The following F13A1 variants were observed in gnomAD, a reference collection of about 807,000 sequenced individuals.
The protein encoded by F13A1 is coagulation factor XIII A chain.
A neutral mutation model predicts 80.1 loss-of-function variants in F13A1; 47 were observed. The ratio of observed to expected loss-of-function variants is 0.59; its 90% CI spans 0.46 to 0.75. The LOEUF (loss-of-function observed/expected upper bound fraction) is 0.75, where lower values mean the gene tolerates loss of function less well. Ranked by LOEUF, F13A1 falls within the 30% of genes least tolerant of loss-of-function variation. The pLI is 0.00. For missense variants in F13A1, 817 were observed against 930.4 expected, an observed-to-expected ratio of 0.88 and a Z score of 1.59; for synonymous variants, 349 against 344.9, an observed-to-expected ratio of 1.01 and a Z score of -0.13.
intron 3 of F13A1, among the ~76,000 whole-genome samples, chr6:6,294,568 G>T (rs1342321251): frequency 7.0e-6 from 1 of 143,404 alleles, no homozygotes; most frequent in Non-Finnish European, 1.5e-5. Flanking sequence ...ACACGTATAT[G>T]TACAAACACA....
chr6:6,160,528 G>A (rs565053195), intron 13 of F13A1, among the ~76,000 whole-genome samples: 7 of 151,828 alleles, frequency 4.6e-5, no homozygotes, highest in African/African-American at 1.7e-4. Flanking sequence ...GTAGAAACAG[G>A]GTTTCACCAT....
chr6:6,289,191 G>A lies in F13A1; in HGVS notation c.319+16160C>T, dbSNP rs542399904. Among the ~76,000 whole-genome samples, 3 of 152,242 alleles carry A rather than the reference G, an allele frequency of 2.0e-5. No individual in the cohort carries two copies. The South Asian group carries it at 6.2e-4, about 32-fold the overall frequency. On this transcript the variant is annotated intron_variant, in intron 3 of 14. Coordinates refer to ENST00000264870, the MANE Select transcript of F13A1 (RefSeq NM_000129.4). ...GGAAACAGTAATGTGATGGGGGGTG[G>A]GGTAAAGTGATTCTGTCACTGCTAT... is the stretch of plus-strand genomic sequence containing the variant.
chr6:6,233,284 G>A (rs1757375691), intron 6 of F13A1, among the ~76,000 whole-genome samples: 1 of 152,042 alleles, frequency 6.6e-6, no homozygotes, highest in African/African-American at 2.4e-5. Flanking sequence ...TGACACCACT[G>A]AAATACAAAA....
intron 8 of F13A1, among the ~76,000 whole-genome samples, chr6:6,216,128 T>C (rs1225348296): frequency 6.6e-6 from 1 of 151,206 alleles, no homozygotes; most frequent in Non-Finnish European, 1.5e-5. Context: ...TTCAATGCCA[T>C]CCCCATCAAG....
At chr6:6,238,722 A>ATATATATATATATG (rs1397972860) in intron 6 of F13A1, among the ~76,000 whole-genome samples, 2 of 151,176 alleles carry the variant, frequency 1.3e-5, no homozygotes, top group African/African-American at 4.9e-5. Flanking sequence ...CTGCATATAT[A>ATATATATATATATG]TATATATATA....
intron 2 of F13A1, 33 bp downstream of exon 2, chr6:6,318,502 C>G: frequency 6.2e-7 from 1 of 1,601,940 alleles, no homozygotes; most frequent in Non-Finnish European, 8.5e-7. Context: ...GTGCCTGGAC[C>G]CAGAGTGGTG....
At chr6:6,288,678 G>A (rs1217231450) in intron 3 of F13A1, among the ~76,000 whole-genome samples, 4 of 152,174 alleles carry the variant, frequency 2.6e-5, no homozygotes, top group Non-Finnish European at 5.9e-5. Context: ...ACCCAGAAGT[G>A]GGATTGCTGA....
chr6:6,217,348 A>G (rs1332166113), intron 8 of F13A1, among the ~76,000 whole-genome samples: 3 of 144,414 alleles, frequency 2.1e-5, no homozygotes, highest in Non-Finnish European at 3.0e-5. Flanking sequence ...CTATGCAGCC[A>G]TAAAAAATGA....
chr6:6,275,277 G>T (rs1757972240), intron 3 of F13A1, among the ~76,000 whole-genome samples: 1 of 152,096 alleles, frequency 6.6e-6, no homozygotes, highest in South Asian at 2.1e-4. Flanking sequence ...AAGTAGGGGG[G>T]CAGAGCCATA....
chr6:6,287,769 T>G (rs1476258229), intron 3 of F13A1, among the ~76,000 whole-genome samples: 1 of 152,190 alleles, frequency 6.6e-6, no homozygotes, highest in Non-Finnish European at 1.5e-5. Context: ...GATTAAACTG[T>G]TTCTGTCACT....
chr6:6,186,832 G>C (rs1335139089), intron 10 of F13A1, among the ~76,000 whole-genome samples: 1 of 150,206 alleles, frequency 6.7e-6, no homozygotes, highest in African/African-American at 2.5e-5. Context: ...CCATTTTCAC[G>C]ATATTGATTC....
intron 12 of F13A1, among the ~76,000 whole-genome samples, chr6:6,169,639 T>G (rs1760737580): frequency 6.6e-6 from 1 of 152,168 alleles, no homozygotes; most frequent in Non-Finnish European, 1.5e-5. Context: ...TTTGGCAATG[T>G]CTGGAGAACT....
chr6:6,251,135 A>T (rs1428647952), intron 4 of F13A1, among the ~76,000 whole-genome samples: 1 of 152,220 alleles, frequency 6.6e-6, no homozygotes, highest in Non-Finnish European at 1.5e-5. Context: ...TCTGTAAATG[A>T]TGACATTTGT....
intron 10 of F13A1, among the ~76,000 whole-genome samples, chr6:6,195,523 G>C (rs1761273921): frequency 6.6e-6 from 1 of 152,184 alleles, no homozygotes; most frequent in Non-Finnish European, 1.5e-5. Flanking sequence ...TGGAGCAGTT[G>C]ATACTTAATG....
chr6:6,280,226 G>A (rs1758042075), intron 3 of F13A1, among the ~76,000 whole-genome samples: 1 of 152,176 alleles, frequency 6.6e-6, no homozygotes, highest in Non-Finnish European at 1.5e-5. Context: ...GGAGGAGACA[G>A]GGTGGTGAAT....
At chr6:6,228,983 A>C (rs6928385) in intron 6 of F13A1, among the ~76,000 whole-genome samples, 6,782 of 152,220 alleles carry the variant, frequency 0.045, 492 homozygotes, top group African/African-American at 0.15. Context: ...CCTAAGCATG[A>C]TACCAAAGAT....
rs575908120 is a variant in F13A1 at position 6,288,889 on chromosome 6, C to T, written c.319+16462G>A. 2.8e-4 allele frequency among the ~76,000 whole-genome samples: 42 copies of T among 152,254 alleles called. No homozygotes were observed. The South Asian group carries it at 8.5e-3, about 31-fold the overall frequency. ...CTCATTGTGGTTTTAATTTGCGTTT[C>T]CCTGATGATTAGAGGTGTTGAGCAT... On this transcript the variant is annotated intron_variant, in intron 3 of 14. Transcript: ENST00000264870.
intron 10 of F13A1, among the ~76,000 whole-genome samples, chr6:6,187,541 T>C (rs12178805): frequency 0.031 from 3,483 of 110,682 alleles, 160 homozygotes; most frequent in African/African-American, 0.11. Flanking sequence ...TTTGCGTATA[T>C]TGAACCAGCC....
rs1561652537 is a variant in F13A1, at chr6:6,200,715, T to C, written c.1113-3389A>G. Among the ~76,000 whole-genome samples, 2 of 152,058 alleles carry C rather than the reference T, an allele frequency of 1.3e-5. 1 individual carries two copies. Among genetic ancestry groups the C allele is most frequent in the South Asian group, 4.2e-4 (2 of 4,812 alleles). On this transcript the variant is annotated intron_variant, in intron 8 of 14. Coordinates refer to ENST00000264870, the MANE Select transcript of F13A1 (RefSeq NM_000129.4). ...GAGGAAGGTAGAGACAGTGGGAATATAAAAGGGAGCTGAAATACCAAGGTT... is the reference window on the plus strand; with the variant it reads ...GAGGAAGGTAGAGACAGTGGGAATACAAAAGGGAGCTGAAATACCAAGGTT...
Sources: allele counts gnomAD v4.1 joint callset (sites outside exome capture counted in the v4.1 genomes callset), GRCh38; gene constraint gnomAD v4.1.1; transcripts MANE v1.5; gene names NCBI Gene and HGNC (gene_info 2026-07-23, HGNC 2026-07-21).